The following MAMDC2 variants were observed in gnomAD, a reference collection of about 807,000 sequenced individuals.
The protein encoded by MAMDC2 is MAM domain-containing protein 2.
MAMDC2 carries 57 observed loss-of-function variants against 89.8 expected under a neutral mutation model. The ratio of observed to expected loss-of-function variants is 0.63; its 90% CI spans 0.51 to 0.79. The LOEUF is 0.79. Among genes scored for constraint, MAMDC2 ranks in the 30% least tolerant of loss-of-function variants. The pLI is 0.00. For synonymous variants in MAMDC2, 313 were observed against 293.4 expected, an observed-to-expected ratio of 1.07 and a Z score of -0.68; for missense variants, 800 against 820.6, an observed-to-expected ratio of 0.97 and a Z score of 0.31.
chr9:70,051,592 T>C (rs1443746752), intron 2 of MAMDC2, among the ~76,000 whole-genome samples: 1 of 152,238 alleles, frequency 6.6e-6, no homozygotes, highest in Non-Finnish European at 1.5e-5. Flanking sequence ...CTTACTTCTA[T>C]ATCTTTTCAA....
At chr9:70,209,542 GTCTA>G (rs58271219) in intron 11 of MAMDC2, among the ~76,000 whole-genome samples, 128,935 of 151,372 alleles carry the variant, frequency 0.85, 55,129 homozygotes, top group East Asian at 0.96. Context: ...AGTCTGAGCG[GTCTA>G]TCTATCTATC....
chr9:70,054,038 G>C (rs893653290), intron 2 of MAMDC2, among the ~76,000 whole-genome samples: 8 of 152,102 alleles, frequency 5.3e-5, no homozygotes, highest in Admixed American at 4.6e-4. Context: ...TTTGGTTGAT[G>C]GTGCCAACAG....
intron 9 of MAMDC2, among the ~76,000 whole-genome samples, chr9:70,150,201 C>G (rs977873478): frequency 3.3e-4 from 51 of 152,324 alleles, no homozygotes; most frequent in South Asian, 2.1e-4. Flanking sequence ...TTTCTGTCCA[C>G]AGAGAGTACA....
At chr9:70,071,403 A>G (rs1007258634) in intron 2 of MAMDC2, among the ~76,000 whole-genome samples, 1 of 152,172 alleles carries the variant, frequency 6.6e-6, no homozygotes, top group Non-Finnish European at 1.5e-5. Flanking sequence ...AGCATGAATC[A>G]TAAGTCTAGG....
rs373667555 is a variant in MAMDC2 at position 70,046,132 on chromosome 9, C to G, written c.148+1435C>G. Among the ~76,000 whole-genome samples, 6 of 152,192 alleles carry G rather than the reference C, an allele frequency of 3.9e-5. 1 individual carries two copies. In the East Asian group the frequency reaches 9.6e-4, roughly 24 times the overall value. ...CAGCACGGGGCTTCTCAAACCTCAG[C>G]TGCATCAGAATCACCTGGTGGGCTT... is the stretch of plus-strand genomic sequence containing the variant. On this transcript the variant is annotated intron_variant, in intron 2 of 13. Coordinates refer to ENST00000377182, the MANE Select transcript of MAMDC2 (RefSeq NM_153267.5).
chr9:70,051,655 A>T (rs985676982), intron 2 of MAMDC2, among the ~76,000 whole-genome samples: 2 of 152,200 alleles, frequency 1.3e-5, no homozygotes, highest in African/African-American at 4.8e-5. Context: ...AGTAGAGGTG[A>T]TGGGTATCCC....
intron 2 of MAMDC2, among the ~76,000 whole-genome samples, chr9:70,051,872 C>A (rs4360353): frequency 0.053 from 7,676 of 145,860 alleles, 260 homozygotes; most frequent in Middle Eastern, 0.091. Flanking sequence ...TATCTATTTA[C>A]CTATCTAGAT....
At chr9:70,149,816 G>A (rs1196794844) in intron 9 of MAMDC2, among the ~76,000 whole-genome samples, 3 of 152,200 alleles carry the variant, frequency 2.0e-5, no homozygotes, top group Non-Finnish European at 2.9e-5. Context: ...AAAGAAGAGA[G>A]CAATAAGAAA....
intron 11 of MAMDC2, among the ~76,000 whole-genome samples, chr9:70,206,693 A>G (rs1222244211): frequency 6.6e-6 from 1 of 152,036 alleles, no homozygotes; most frequent in Non-Finnish European, 1.5e-5. Context: ...CATTTGTTAC[A>G]TATGTATACA....
At chr9:70,137,739 A>G (rs1430795183) in intron 7 of MAMDC2, among the ~76,000 whole-genome samples, 3 of 152,094 alleles carry the variant, frequency 2.0e-5, no homozygotes, top group East Asian at 3.9e-4. Context: ...CTCTCTCCCT[A>G]GATTGTTAGA....
chr9:70,055,198 A>G (rs563707565), intron 2 of MAMDC2, among the ~76,000 whole-genome samples: 3 of 151,464 alleles, frequency 2.0e-5, no homozygotes, highest in Admixed American at 6.6e-5. Context: ...TTAATGAGAT[A>G]GTTATGCAAT....
chr9:70,152,660 A>T (rs951034675), intron 9 of MAMDC2, among the ~76,000 whole-genome samples: 3 of 152,112 alleles, frequency 2.0e-5, no homozygotes, highest in African/African-American at 7.2e-5. Context: ...TCCTGAAAAA[A>T]ATTTGGACTT....
chr9:70,130,417 C>T (rs996025947), intron 6 of MAMDC2, among the ~76,000 whole-genome samples: 1 of 152,140 alleles, frequency 6.6e-6, no homozygotes, highest in Non-Finnish European at 1.5e-5. Flanking sequence ...AGTTTCAAGC[C>T]CTGTTCCATG....
chr9:70,124,454 G>A (rs2030434662), intron 5 of MAMDC2, among the ~76,000 whole-genome samples: 1 of 152,092 alleles, frequency 6.6e-6, no homozygotes, highest in African/African-American at 2.4e-5. Flanking sequence ...ATTATTCAGG[G>A]GATTCAGGAT....
intron 2 of MAMDC2, among the ~76,000 whole-genome samples, chr9:70,066,860 G>A (rs898413208): frequency 3.9e-5 from 6 of 152,160 alleles, no homozygotes; most frequent in Non-Finnish European, 7.4e-5. Context: ...GGGATTTGCC[G>A]ATAAAGTAAC....
chr9:70,110,478 A>G (rs1476463477), intron 4 of MAMDC2, among the ~76,000 whole-genome samples: 1 of 152,114 alleles, frequency 6.6e-6, no homozygotes, highest in Non-Finnish European at 1.5e-5. Flanking sequence ...GAAGGAGAAG[A>G]ATTTAGTTAA....
At chr9:70,124,383 C>A (rs187282821) in intron 5 of MAMDC2, among the ~76,000 whole-genome samples, 1 of 152,134 alleles carries the variant, frequency 6.6e-6, no homozygotes, top group African/African-American at 2.4e-5. Flanking sequence ...AGTTTGTAAT[C>A]TCTGTTTATT....
chr9:70,084,961 C>T (rs1353514582), intron 2 of MAMDC2, among the ~76,000 whole-genome samples: 2 of 152,024 alleles, frequency 1.3e-5, no homozygotes, highest in Non-Finnish European at 2.9e-5. Flanking sequence ...GAAAATTAAA[C>T]TTGTTTTAAT....
At chr9:70,138,423 A>G (rs1392683967) in intron 7 of MAMDC2, among the ~76,000 whole-genome samples, 3 of 152,214 alleles carry the variant, frequency 2.0e-5, no homozygotes, top group Non-Finnish European at 2.9e-5. Flanking sequence ...CTAGATACCC[A>G]GTAATGGGAT....
Sources: allele counts gnomAD v4.1 joint callset (sites outside exome capture counted in the v4.1 genomes callset), GRCh38; gene constraint gnomAD v4.1.1; transcripts MANE v1.5; gene names NCBI Gene and HGNC (gene_info 2026-07-23, HGNC 2026-07-21).